Variants in NTM observed in about 807,000 individuals in gnomAD.
NTM encodes the protein neurotrimin.
A neutral mutation model predicts 42.1 loss-of-function variants in NTM; 13 were observed. That is an observed-to-expected ratio of 0.31 (90% CI 0.20 to 0.49). The LOEUF (loss-of-function observed/expected upper bound fraction) is 0.49. Ranked by LOEUF, NTM falls within the 20% of genes least tolerant of loss-of-function variation. The pLI is 0.99. For missense variants in NTM, 373 were observed against 452.8 expected, an observed-to-expected ratio of 0.82 and a Z score of 1.60; for synonymous variants, 187 against 179.2, an observed-to-expected ratio of 1.04 and a Z score of -0.35.
At chr11:132,171,357 G>A (rs116257939) in intron 3 of NTM, among the ~76,000 whole-genome samples, 255 of 152,292 alleles carry the variant, frequency 1.7e-3, no homozygotes, top group African/African-American at 5.8e-3. Flanking sequence ...TTACAATTCA[G>A]GAAGCTAACA....
chr11:132,198,688 T>C (rs1332416000), intron 3 of NTM, among the ~76,000 whole-genome samples: 1 of 152,182 alleles, frequency 6.6e-6, no homozygotes, highest in African/African-American at 2.4e-5. Context: ...TCTGCAGATT[T>C]GCATAGAGCC....
At chr11:131,708,290 A>AATG (rs1351138960) in intron 1 of NTM, among the ~76,000 whole-genome samples, 1 of 152,152 alleles carries the variant, frequency 6.6e-6, no homozygotes, top group Non-Finnish European at 1.5e-5. Context: ...AAAATACATG[A>AATG]ATGTTCAAGA....
At chr11:132,082,343 T>C (rs149357578) in intron 2 of NTM, among the ~76,000 whole-genome samples, 140 of 152,264 alleles carry the variant, frequency 9.2e-4, no homozygotes, top group African/African-American at 3.2e-3. Flanking sequence ...CCCTCACAAA[T>C]TGAATACCAA....
At chr11:132,078,531 T>C (rs1790183) in intron 2 of NTM, among the ~76,000 whole-genome samples, 104,651 of 152,112 alleles carry the variant, frequency 0.69, 37,649 homozygotes, top group African/African-American at 0.88. Flanking sequence ...GGAGAAGAAA[T>C]GGAGGGGAAC....
chr11:131,698,164 G>A (rs914615844), intron 1 of NTM, among the ~76,000 whole-genome samples: 5 of 152,038 alleles, frequency 3.3e-5, no homozygotes, highest in African/African-American at 1.2e-4. Context: ...GCTCTCTAAG[G>A]TTCCAACCTT....
At chr11:131,720,418 C>T (rs1183437932) in intron 1 of NTM, among the ~76,000 whole-genome samples, 1 of 152,138 alleles carries the variant, frequency 6.6e-6, no homozygotes, top group Non-Finnish European at 1.5e-5. Flanking sequence ...AAACAGAAAG[C>T]TCTTGGGCTT....
At position 131,462,951 on chromosome 11, in the gene NTM, G is replaced by GA. The variant is rs567178609; in HGVS notation, c.82+92076dup. On this transcript the variant is annotated intron_variant, in intron 1 of 8. Coordinates refer to ENST00000683400, the MANE Select transcript of NTM (RefSeq NM_001352005.2). ...TAGGAAGGGTCACTTATCTACTCAT[G>GA]AAAAAAAAAAAAAGAAGATATAGGT... is the stretch of plus-strand genomic sequence containing the variant. 3.0e-3 allele frequency among the ~76,000 whole-genome samples: 419 copies of GA among 137,548 alleles called. 1 individual carries two copies. Among genetic ancestry groups the GA allele is most frequent in the South Asian group, 0.01 (45 of 4,346 alleles). 90.2% of individuals were successfully genotyped at this position (137,548 alleles called of 152,430 possible).
chr11:132,103,713 G>A (rs1160785532), intron 2 of NTM, among the ~76,000 whole-genome samples: 5 of 152,152 alleles, frequency 3.3e-5, no homozygotes, highest in Non-Finnish European at 7.3e-5. Flanking sequence ...TCCTGGATTC[G>A]TGTCTCAACT....
chr11:132,308,528 C>T (rs1281193557), intron 5 of NTM, among the ~76,000 whole-genome samples: 1 of 151,998 alleles, frequency 6.6e-6, no homozygotes, highest in Non-Finnish European at 1.5e-5. Flanking sequence ...TGTACCTTGC[C>T]TTAGCTCCCT....
At chr11:131,683,790 C>A (rs1163004967) in intron 1 of NTM, among the ~76,000 whole-genome samples, 1 of 152,268 alleles carries the variant, frequency 6.6e-6, no homozygotes, top group Non-Finnish European at 1.5e-5. Flanking sequence ...AGAGGAAGGT[C>A]CCCTGGGGGG....
intron 1 of NTM, among the ~76,000 whole-genome samples, chr11:131,770,552 G>A (rs1037816328): frequency 2.0e-5 from 3 of 152,214 alleles, no homozygotes; most frequent in Admixed American, 2.0e-4. Context: ...GACCACTTCA[G>A]AGCCTTGCCT....
In NTM at chr11:131,911,574, G is replaced by A; in HGVS notation, c.93G>A (p.Val31=). The change falls in exon 2 of 9, where the codon GTG becomes GTA. Residue 31 remains valine, a synonymous_variant. Transcript: ENST00000683400. ...AALCLFQGVP[V]RSGDATFPKA... is the part of the protein sequence containing the mutation. ...TCCTTGTACCCACAGGAGTGCCCGTGCGCAGCGGAGATGCCACCTTCCCCA... is the reference window on the plus strand; with the variant it reads ...TCCTTGTACCCACAGGAGTGCCCGTACGCAGCGGAGATGCCACCTTCCCCA... 6.2e-7 allele frequency: 1 copy of A among 1,614,212 alleles called. No individual in the cohort carries two copies. Among genetic ancestry groups the A allele is most frequent in the Non-Finnish European group, 8.5e-7 (1 of 1,180,040 alleles).
intron 2 of NTM, among the ~76,000 whole-genome samples, chr11:132,067,036 C>T (rs1594282651): frequency 6.6e-6 from 1 of 152,146 alleles, no homozygotes; most frequent in Non-Finnish European, 1.5e-5. Context: ...CTCACTGCAG[C>T]CTTGACCTCC....
chr11:132,099,024 G>A (rs1224676319), intron 2 of NTM, among the ~76,000 whole-genome samples: 3 of 152,252 alleles, frequency 2.0e-5, no homozygotes, highest in Non-Finnish European at 4.4e-5. Context: ...CTGGTCAGGA[G>A]CACCAGCTGT....
chr11:131,757,454 AG>A (rs1271485903), intron 1 of NTM, among the ~76,000 whole-genome samples: 1 of 152,234 alleles, frequency 6.6e-6, no homozygotes, highest in Non-Finnish European at 1.5e-5. Context: ...CACCCTAAAT[AG>A]GACTGATATG....
At chr11:132,136,673 G>A (rs527329569) in intron 2 of NTM, among the ~76,000 whole-genome samples, 2 of 152,332 alleles carry the variant, frequency 1.3e-5, no homozygotes, top group South Asian at 4.1e-4. Flanking sequence ...AAGGGAAATG[G>A]CAGCTGCATG....
intron 1 of NTM, among the ~76,000 whole-genome samples, chr11:131,570,301 T>C (rs531386406): frequency 6.6e-6 from 1 of 152,320 alleles, no homozygotes; most frequent in Admixed American, 6.5e-5. Context: ...TTTGTAAAGC[T>C]CTAACTGTCC....
At chr11:132,222,755 T>C (rs1482365183) in intron 4 of NTM, among the ~76,000 whole-genome samples, 1 of 152,120 alleles carries the variant, frequency 6.6e-6, no homozygotes, top group African/African-American at 2.4e-5. Context: ...CTTACTGCCC[T>C]CACCCCCCAC....
intron 1 of NTM, among the ~76,000 whole-genome samples, chr11:131,544,655 G>T (rs1592001270): frequency 6.6e-6 from 1 of 152,310 alleles, no homozygotes; most frequent in East Asian, 1.9e-4. Context: ...AGGGGTTGTG[G>T]CAGTTAAACA....
Sources: allele counts gnomAD v4.1 joint callset (sites outside exome capture counted in the v4.1 genomes callset), GRCh38; gene constraint gnomAD v4.1.1; transcripts MANE v1.5; gene names NCBI Gene and HGNC (gene_info 2026-07-23, HGNC 2026-07-21).